ACP2: variants seen among roughly 807,000 people sequenced by gnomAD.
ACP2 encodes the protein acid phosphatase 2, lysosomal, also known as lysosomal acid phosphatase.
In ACP2, 35 loss-of-function variants were observed where a neutral mutation model predicts 54.7. That is an observed-to-expected ratio of 0.64 (90% CI 0.49 to 0.85). The LOEUF is 0.85. Among genes scored for constraint, ACP2 ranks in the 40% least tolerant of loss-of-function variants. The pLI is 0.00. For missense variants in ACP2, 492 were observed against 565.0 expected (o/e 0.87, Z 1.31); for synonymous variants, 210 against 224.4 (o/e 0.94, Z 0.57).
intron 3 of ACP2, 81 bp downstream of exon 3, chr11:47,247,560 G>T: frequency 6.6e-7 from 1 of 1,521,478 alleles, no homozygotes; most frequent in Non-Finnish European, 9.1e-7. Flanking sequence ...AAAGTGCCCA[G>T]CCTCAGCCTT....
chr11:47,242,033 A>G (rs1037926109), intron 10 of ACP2, among the ~76,000 whole-genome samples: 1 of 152,220 alleles, frequency 6.6e-6, no homozygotes, highest in African/African-American at 2.4e-5. Context: ...TCCAGGGATG[A>G]GTCCTGGGTC....
At chr11:47,246,385 G>A (rs540085558) in intron 3 of ACP2, among the ~76,000 whole-genome samples, 2 of 152,252 alleles carry the variant, frequency 1.3e-5, no homozygotes, top group Admixed American at 1.3e-4. Flanking sequence ...AGACCAGCCT[G>A]GGCAACATAG....
intron 7 of ACP2, 37 bp downstream of exon 7, chr11:47,244,696 TCC>T (rs1299919858): frequency 2.2e-5 from 34 of 1,528,728 alleles, no homozygotes; most frequent in Non-Finnish European, 2.9e-5. Context: ...CGCCTTAGGG[TCC>T]TGAGGAGTAG....
chr11:47,240,942 G>A (rs570014087), intron 10 of ACP2, among the ~76,000 whole-genome samples: 1 of 152,204 alleles, frequency 6.6e-6, no homozygotes, highest in African/African-American at 2.4e-5. Flanking sequence ...GAGACCTGGA[G>A]TCAATGAATG....
At chr11:47,246,845 C>T (rs971382742) in intron 3 of ACP2, among the ~76,000 whole-genome samples, 2 of 151,942 alleles carry the variant, frequency 1.3e-5, no homozygotes. Flanking sequence ...CACTGCACTC[C>T]AGCCTGAGCA....
Position 47,248,808 on chromosome 11 carries a change from A to G in ACP2, c.-19T>C, listed in dbSNP as rs940675619. The G allele has an allele frequency of 3.2e-6, 5 of 1,573,174 alleles. No individual in the cohort carries two copies. Among genetic ancestry groups the G allele is most frequent in the Admixed American group, 1.9e-5 (1 of 53,806 alleles). ...CCGCCATCACCGTTGTAATCTATGC[A>G]GCAAACAAGCTGGAACCCGCTGGGT... On this transcript the variant is annotated 5_prime_UTR_variant, in exon 1 of 11. Transcript: ENST00000672073.
In ACP2 at chr11:47,245,909, A is replaced by G. The variant is rs1389878274; in HGVS notation, c.298-75T>C. On this transcript the variant is annotated intron_variant, in intron 3 of 10. Transcript: ENST00000672073. ...GTTGGGGAAGTTTTGGTCACCCTGA[A>G]GTGGAGCCTTGTATGTATGTGTGTG... The G allele has an allele frequency of 1.7e-5, 24 of 1,390,168 alleles. No individual in the cohort carries two copies. In the Admixed American group the frequency reaches 4.4e-4, roughly 25 times the overall value. The allele number at this position is 1,390,168 out of a possible 1,614,324, so 86.1% of individuals were successfully genotyped here. A position where few individuals can be genotyped will look rare whatever the true frequency, so the allele number is the denominator to read the frequency against.
Position 47,239,556 on chromosome 11 carries a change from G to A in ACP2, c.*560C>T, listed in dbSNP as rs1348763349. 1 of 156,086 alleles carries A rather than the reference G, an allele frequency of 6.4e-6. No individual in the cohort carries two copies. Among genetic ancestry groups the A allele is most frequent in the Non-Finnish European group, 1.4e-5 (1 of 70,400 alleles). 9.7% of individuals were successfully genotyped at this position (156,086 alleles called of 1,614,324 possible). On this transcript the variant is annotated 3_prime_UTR_variant, in exon 11 of 11. Transcript: ENST00000672073. ...AGTTGAAGGGGTGACAACGATTCCT[G>A]AAGCATTCTGTCTGAGTCTAATGGT...
intron 3 of ACP2, among the ~76,000 whole-genome samples, chr11:47,246,531 G>A (rs963056218): frequency 9.2e-5 from 14 of 151,990 alleles, no homozygotes; most frequent in Non-Finnish European, 5.9e-5. Context: ...AGCTATGACT[G>A]AGGCATGTGC....
chr11:47,244,920 G>C (rs75393320), intron 6 of ACP2, 53 bp from the exon 7 acceptor site: 220,883 of 1,535,160 alleles, frequency 0.14, 17,857 homozygotes, highest in South Asian at 0.2. Context: ...AGCCTCTCCA[G>C]GGGGCAGCTC....
intron 10 of ACP2, among the ~76,000 whole-genome samples, chr11:47,241,561 A>G (rs1229618183): frequency 1.2e-4 from 19 of 152,230 alleles, no homozygotes; most frequent in African/African-American, 4.1e-4. Flanking sequence ...AAAGACTGGT[A>G]GGGACAAGAA....
intron 3 of ACP2, among the ~76,000 whole-genome samples, chr11:47,246,688 C>T (rs1954112145): frequency 6.6e-6 from 1 of 151,992 alleles, no homozygotes; most frequent in South Asian, 2.1e-4. Context: ...CCAGCCTGGC[C>T]AACATGATGA....
At chr11:47,247,827 G>A in intron 2 of ACP2, 100 bp from the exon 3 acceptor site, 1 of 1,214,850 alleles carries the variant, frequency 8.2e-7, no homozygotes, top group Admixed American at 2.4e-5. Context: ...ACGCTTTGCT[G>A]GAGTCAATTA....
intron 7 of ACP2, 48 bp from the exon 8 acceptor site, chr11:47,243,369 T>G: frequency 2.0e-6 from 3 of 1,522,618 alleles, no homozygotes; most frequent in Non-Finnish European, 2.7e-6. Context: ...CACCTCTGCC[T>G]TCTAATTAGA....
intron 7 of ACP2, 144 bp downstream of exon 7, chr11:47,244,591 C>T (rs1319317156): frequency 3.5e-6 from 2 of 565,654 alleles, no homozygotes; most frequent in Non-Finnish European, 5.9e-6. Flanking sequence ...AATTTGGTGA[C>T]TAGCGGCATG....
chr11:47,244,903 C>T, intron 6 of ACP2, 36 bp from the exon 7 acceptor site: 2 of 1,559,632 alleles, frequency 1.3e-6, no homozygotes, highest in Non-Finnish European at 1.7e-6. Context: ...CGCCCCAGGC[C>T]TAGGCCAGCC....
At chr11:47,241,095 T>G (rs1246501901) in intron 10 of ACP2, among the ~76,000 whole-genome samples, 1 of 152,170 alleles carries the variant, frequency 6.6e-6, no homozygotes, top group Non-Finnish European at 1.5e-5. Flanking sequence ...ATGTAGGAGA[T>G]GGGGCAGGAG....
Sources: gnomAD v4.1 joint callset for allele counts (sites outside exome capture counted in the v4.1 genomes callset) on GRCh38, gnomAD v4.1.1 for gene constraint, MANE v1.5 for transcripts, NCBI Gene and HGNC (gene_info 2026-07-23, HGNC 2026-07-21) for gene names.